Variants in CNTN4 observed in about 807,000 individuals in gnomAD.
CNTN4 encodes the protein contactin 4.
A neutral mutation model predicts 122.5 loss-of-function variants in CNTN4; 77 were observed. The observed-to-expected ratio is 0.63, with a 90% CI of 0.52 to 0.76. The LOEUF (loss-of-function observed/expected upper bound fraction) is 0.76, where lower values mean the gene tolerates loss of function less well. CNTN4 is among the 30% of genes least tolerant of loss of function. The probability of loss-of-function intolerance (pLI) is 0.00; values close to 1 mark genes in which losing one functional copy is unlikely to be tolerated. For missense variants in CNTN4, 1,256 were observed against 1,259.1 expected (o/e 1.00, Z 0.04); for synonymous variants, 512 against 447.0 (o/e 1.15, Z -1.83).
rs2082305855 is a variant in CNTN4, at chr3:2,628,811, T to G, written c.55+57253T>G. On this transcript the variant is annotated intron_variant, in intron 4 of 24. Coordinates refer to ENST00000418658, the MANE Select transcript of CNTN4 (RefSeq NM_175607.3). ...TGGACGTAACCAAAAAAGTGGTTTT[T>G]AATCACAAAATTATTTTCTGGATTG... 2.6e-5 allele frequency among the ~76,000 whole-genome samples: 4 copies of G among 152,254 alleles called. No individual in the cohort carries two copies. In the South Asian group the frequency reaches 8.3e-4, roughly 31 times the overall value.
At chr3:2,209,782 G>A (rs763847003) in intron 2 of CNTN4, among the ~76,000 whole-genome samples, 1 of 152,072 alleles carries the variant, frequency 6.6e-6, no homozygotes, top group Non-Finnish European at 1.5e-5. Flanking sequence ...TTAAGAATCA[G>A]TTGGCAATTC....
At chr3:2,225,410 A>T (rs1276870556) in intron 2 of CNTN4, among the ~76,000 whole-genome samples, 1 of 151,592 alleles carries the variant, frequency 6.6e-6, no homozygotes, top group Admixed American at 6.6e-5. Flanking sequence ...GCTACTTGGG[A>T]GGCTGAGGCA....
At chr3:2,554,790 T>G (rs1033291156) in intron 3 of CNTN4, among the ~76,000 whole-genome samples, 3 of 152,172 alleles carry the variant, frequency 2.0e-5, no homozygotes, top group African/African-American at 7.2e-5. Context: ...GGCCATAATT[T>G]GTAAGGAATT....
chr3:2,285,689 G>A (rs1392173991), intron 2 of CNTN4, among the ~76,000 whole-genome samples: 1 of 152,020 alleles, frequency 6.6e-6, no homozygotes, highest in Non-Finnish European at 1.5e-5. Flanking sequence ...TTAGTTTTCT[G>A]TAATTCTTAC....
intron 2 of CNTN4, among the ~76,000 whole-genome samples, chr3:2,229,520 G>A (rs1053587227): frequency 1.3e-5 from 2 of 152,002 alleles, no homozygotes; most frequent in Non-Finnish European, 2.9e-5. Flanking sequence ...AATTACAGCC[G>A]AATATTCATA....
chr3:2,307,245 C>G (rs57418046), intron 2 of CNTN4, among the ~76,000 whole-genome samples: 3,555 of 151,860 alleles, frequency 0.023, 132 homozygotes, highest in African/African-American at 0.082. Context: ...ACCATCCTGG[C>G]TAACACGGTG....
chr3:2,270,288 G>A (rs2041238966), intron 2 of CNTN4, among the ~76,000 whole-genome samples: 1 of 151,886 alleles, frequency 6.6e-6, no homozygotes, highest in Non-Finnish European at 1.5e-5. Context: ...TAGGTTCAAC[G>A]ACATATATAC....
intron 2 of CNTN4, among the ~76,000 whole-genome samples, chr3:2,174,425 A>T (rs968609617): frequency 2.0e-5 from 3 of 152,178 alleles, no homozygotes; most frequent in African/African-American, 7.2e-5. Flanking sequence ...CAAATCAAGG[A>T]GCTGGCAAAT....
chr3:2,981,240 C>T (rs1266228639), intron 13 of CNTN4, among the ~76,000 whole-genome samples: 3 of 152,020 alleles, frequency 2.0e-5, no homozygotes, highest in Non-Finnish European at 4.4e-5. Context: ...GTCAGGAGAT[C>T]GAGACCATCC....
intron 4 of CNTN4, among the ~76,000 whole-genome samples, chr3:2,649,067 AAAG>A (rs2083253912): frequency 6.6e-6 from 1 of 152,200 alleles, no homozygotes; most frequent in Non-Finnish European, 1.5e-5. Flanking sequence ...AAGCTGCAGA[AAAG>A]AAGGTGGAAG....
At chr3:2,773,762 C>CTTTTTTTTTTTTTTT (rs1234334638) in intron 6 of CNTN4, among the ~76,000 whole-genome samples, 13 of 107,520 alleles carry the variant, frequency 1.2e-4, no homozygotes, top group African/African-American at 2.4e-4. Flanking sequence ...ATGTAGTAGA[C>CTTTTTTTTTTTTTTT]TTTTTTTTTT....
intron 4 of CNTN4, among the ~76,000 whole-genome samples, chr3:2,720,873 G>A (rs894683125): frequency 6.6e-6 from 1 of 152,200 alleles, no homozygotes; most frequent in Non-Finnish European, 1.5e-5. Context: ...CAAAGTCTAA[G>A]TAACTCACTC....
chr3:2,754,501 T>A (rs2090238573), intron 6 of CNTN4, among the ~76,000 whole-genome samples: 1 of 152,190 alleles, frequency 6.6e-6, no homozygotes, highest in Admixed American at 6.5e-5. Context: ...CCTCTATGGA[T>A]ACCTCACTTA....
At chr3:2,567,474 A>G (rs1482761931) in intron 3 of CNTN4, among the ~76,000 whole-genome samples, 2 of 152,090 alleles carry the variant, frequency 1.3e-5, no homozygotes, top group Admixed American at 6.6e-5. Flanking sequence ...CTCAGCCTAT[A>G]ACTCCCAAAC....
intron 10 of CNTN4, among the ~76,000 whole-genome samples, chr3:2,891,188 G>A (rs1174119883): frequency 6.6e-6 from 1 of 152,146 alleles, no homozygotes; most frequent in Non-Finnish European, 1.5e-5. Flanking sequence ...GATTGGCCAG[G>A]TGCAGTGGCT....
intron 3 of CNTN4, among the ~76,000 whole-genome samples, chr3:2,361,946 C>A (rs1266630373): frequency 6.6e-6 from 1 of 152,110 alleles, no homozygotes; most frequent in Non-Finnish European, 1.5e-5. Flanking sequence ...GATTTATGGT[C>A]AGCAGAAACA....
intron 2 of CNTN4, among the ~76,000 whole-genome samples, chr3:2,263,467 C>A (rs963837273): frequency 2.6e-5 from 4 of 151,988 alleles, no homozygotes; most frequent in African/African-American, 4.8e-5. Flanking sequence ...ATTAAAGTAT[C>A]ATTTTTCTTT....
chr3:3,024,567 A>T (rs532989470), intron 14 of CNTN4, among the ~76,000 whole-genome samples: 1 of 152,106 alleles, frequency 6.6e-6, no homozygotes, highest in East Asian at 1.9e-4. Flanking sequence ...CATGGACATC[A>T]CTCATTTAAC....
At chr3:2,494,075 G>A (rs545590348) in intron 3 of CNTN4, among the ~76,000 whole-genome samples, 2 of 151,630 alleles carry the variant, frequency 1.3e-5, no homozygotes, top group South Asian at 4.2e-4. Flanking sequence ...TTTTATTTGA[G>A]CTATTATTAT....
Sources: allele counts gnomAD v4.1 joint callset (sites outside exome capture counted in the v4.1 genomes callset), GRCh38; gene constraint gnomAD v4.1.1; transcripts MANE v1.5; gene names NCBI Gene and HGNC (gene_info 2026-07-23, HGNC 2026-07-21).